ELMO1: variants seen among roughly 807,000 people sequenced by gnomAD.
ELMO1 encodes the protein engulfment and cell motility protein 1.
Under a neutral mutation model 98.9 loss-of-function variants are expected in ELMO1, and 26 were observed. The ratio of observed to expected loss-of-function variants is 0.26; its 90% CI spans 0.19 to 0.36. The LOEUF is 0.36. Ranked by LOEUF, ELMO1 falls within the 10% of genes least tolerant of loss-of-function variation. The pLI is 1.00. For synonymous variants in ELMO1, 346 were observed against 346.0 expected (o/e 1.00, Z 0.00); for missense variants, 627 against 935.2 (o/e 0.67, Z 4.30).
At chr7:37,157,374 T>C (rs990604365) in intron 13 of ELMO1, among the ~76,000 whole-genome samples, 1 of 152,160 alleles carries the variant, frequency 6.6e-6, no homozygotes, top group African/African-American at 2.4e-5. Flanking sequence ...GGAAGTCAAA[T>C]TGTCTCTGCT....
intron 4 of ELMO1, among the ~76,000 whole-genome samples, chr7:37,290,274 T>C (rs1436128511): frequency 6.6e-6 from 1 of 152,104 alleles, no homozygotes; most frequent in Non-Finnish European, 1.5e-5. Context: ...CAAGATAACA[T>C]ACGTCAGAGA....
At chr7:37,265,568 T>G (rs1248406233) in intron 5 of ELMO1, among the ~76,000 whole-genome samples, 1 of 152,066 alleles carries the variant, frequency 6.6e-6, no homozygotes, top group Non-Finnish European at 1.5e-5. Flanking sequence ...TGTCCAGCCC[T>G]GCATGGAGAG....
At chr7:37,293,205 C>T (rs1328071977) in intron 4 of ELMO1, among the ~76,000 whole-genome samples, 8 of 123,690 alleles carry the variant, frequency 6.5e-5, no homozygotes, top group South Asian at 2.7e-4. Flanking sequence ...GCCACCACCC[C>T]GTCTGGGAGG....
intron 20 of ELMO1, among the ~76,000 whole-genome samples, chr7:36,869,168 T>C (rs1803301874): frequency 6.6e-6 from 1 of 152,212 alleles, no homozygotes; most frequent in Non-Finnish European, 1.5e-5. Flanking sequence ...CCACAGATCC[T>C]GGCCTCTTGG....
chr7:37,154,464 A>G (rs1044719256), intron 13 of ELMO1, among the ~76,000 whole-genome samples: 2 of 152,234 alleles, frequency 1.3e-5, no homozygotes, highest in Non-Finnish European at 2.9e-5. Context: ...TGTAGAGAAG[A>G]GCTTAAATGA....
At chr7:37,422,193 C>G (rs1378340362) in intron 1 of ELMO1, among the ~76,000 whole-genome samples, 1 of 152,194 alleles carries the variant, frequency 6.6e-6, no homozygotes, top group Non-Finnish European at 1.5e-5. Flanking sequence ...CAATTTGAAA[C>G]AGCTACAAAA....
chr7:36,919,503 T>C (rs1271266342), intron 16 of ELMO1: 1 of 449,242 alleles, frequency 2.2e-6, no homozygotes, highest in Non-Finnish European at 4.8e-6. Flanking sequence ...CTCTCACTTA[T>C]GGGCTAAGTC....
chr7:37,350,084 G>A (rs1161756135), intron 1 of ELMO1, among the ~76,000 whole-genome samples: 2 of 152,150 alleles, frequency 1.3e-5, no homozygotes, highest in East Asian at 3.9e-4. Context: ...ATATGGTGGG[G>A]GTGTCATTTC....
intron 13 of ELMO1, among the ~76,000 whole-genome samples, chr7:37,150,390 G>A (rs555205203): frequency 1.3e-4 from 20 of 149,430 alleles, no homozygotes; most frequent in Non-Finnish European, 2.5e-4. Context: ...CAATCAGTGT[G>A]TTGACATTTG....
intron 15 of ELMO1, among the ~76,000 whole-genome samples, chr7:37,052,574 C>T (rs115125996): frequency 0.02 from 3,105 of 152,164 alleles, 32 homozygotes; most frequent in Middle Eastern, 0.041. Context: ...TTATAGAAGA[C>T]GCAACTGTTT....
At chr7:37,123,364 G>A (rs1786234832) in intron 14 of ELMO1, among the ~76,000 whole-genome samples, 1 of 152,076 alleles carries the variant, frequency 6.6e-6, no homozygotes, top group Non-Finnish European at 1.5e-5. Context: ...TTTTTGAAAA[G>A]ATCAACAAAA....
chr7:37,171,911 A>C (rs1790193571), intron 13 of ELMO1, among the ~76,000 whole-genome samples: 1 of 152,234 alleles, frequency 6.6e-6, no homozygotes, highest in African/African-American at 2.4e-5. Context: ...ACTAAAAATC[A>C]ACAAAATTCA....
At chr7:37,295,991 C>T (rs1451551640) in intron 4 of ELMO1, among the ~76,000 whole-genome samples, 2 of 152,128 alleles carry the variant, frequency 1.3e-5, no homozygotes, top group East Asian at 3.8e-4. Flanking sequence ...ACCAGTTTTC[C>T]ATTGCTGTAT....
intron 5 of ELMO1, chr7:37,271,520 T>G (rs992861377): frequency 3.8e-6 from 1 of 263,974 alleles, no homozygotes; most frequent in African/African-American, 2.2e-5. Context: ...ACGCTAACGA[T>G]AGCTGATGAA....
chr7:37,233,971 T>C (rs1345515212), intron 7 of ELMO1, among the ~76,000 whole-genome samples: 2 of 152,222 alleles, frequency 1.3e-5, no homozygotes, highest in Non-Finnish European at 2.9e-5. Flanking sequence ...CTTGGGCAAA[T>C]GCAGTTCCAC....
intron 16 of ELMO1, among the ~76,000 whole-genome samples, chr7:37,002,657 C>T (rs762615640): frequency 5.9e-5 from 9 of 152,134 alleles, no homozygotes; most frequent in Non-Finnish European, 1.3e-4. Flanking sequence ...GTTGTAGACA[C>T]AAATAAATAT....
chr7:37,188,501 A>AAAAAAT (rs764889756), intron 13 of ELMO1, among the ~76,000 whole-genome samples: 4,690 of 125,886 alleles, frequency 0.037, 311 homozygotes, highest in South Asian at 0.1. Context: ...AAAAAAAAAA[A>AAAAAAT]AATAATAATA....
intron 1 of ELMO1, chr7:37,375,940 A>C: frequency 1.6e-6 from 1 of 632,308 alleles, no homozygotes; most frequent in Non-Finnish European, 2.9e-6. Context: ...TGCCAACAAG[A>C]AAGTAGAGGC....
chr7:36,961,343 A>C (rs2129120288), intron 16 of ELMO1, among the ~76,000 whole-genome samples: 1 of 152,338 alleles, frequency 6.6e-6, no homozygotes, highest in Middle Eastern at 3.4e-3. Context: ...TCTTTGTGGT[A>C]ATTACAAACT....
Sources: gnomAD v4.1 joint callset for allele counts (sites outside exome capture counted in the v4.1 genomes callset) on GRCh38, gnomAD v4.1.1 for gene constraint, MANE v1.5 for transcripts, NCBI Gene and HGNC (gene_info 2026-07-23, HGNC 2026-07-21) for gene names.